Variants in DAB1 observed in about 807,000 individuals in gnomAD.
DAB1 encodes the protein DAB adaptor protein 1, also known as disabled homolog 1.
In DAB1, 15 loss-of-function variants were observed where a neutral mutation model predicts 64.6. The observed-to-expected ratio is 0.23, with a 90% CI of 0.16 to 0.36. The LOEUF (loss-of-function observed/expected upper bound fraction) is 0.36. Ranked by LOEUF, DAB1 falls within the 10% of genes least tolerant of loss-of-function variation. The pLI, the probability that DAB1 is intolerant of heterozygous loss-of-function variation, is 1.00. For missense variants in DAB1, 596 were observed against 706.7 expected (o/e 0.84, Z 1.78); for synonymous variants, 235 against 251.9 (o/e 0.93, Z 0.64).
intron 1 of DAB1, among the ~76,000 whole-genome samples, chr1:57,875,707 G>T (rs531685921): frequency 2.0e-5 from 3 of 152,152 alleles, no homozygotes; most frequent in Non-Finnish European, 4.4e-5. Flanking sequence ...AAGAATAAAT[G>T]AATGAACTGC....
intron 7 of DAB1, among the ~76,000 whole-genome samples, chr1:57,466,814 A>T (rs1318083300): frequency 6.6e-6 from 1 of 152,114 alleles, no homozygotes; most frequent in Non-Finnish European, 1.5e-5. Flanking sequence ...TCAACCCCTA[A>T]TGCTACCTGC....
intron 7 of DAB1, among the ~76,000 whole-genome samples, chr1:57,486,034 T>C (rs959988252): frequency 1.3e-5 from 2 of 152,174 alleles, no homozygotes; most frequent in Non-Finnish European, 2.9e-5. Flanking sequence ...CCTAATTAAT[T>C]GTACCTTCTC....
chr1:57,074,128 C>G (rs1211925074), intron 4 of DAB1, among the ~76,000 whole-genome samples: 1 of 152,152 alleles, frequency 6.6e-6, no homozygotes, highest in Non-Finnish European at 1.5e-5. Context: ...CCTTGGCCTC[C>G]CAAAGTGCTA....
intron 2 of DAB1, among the ~76,000 whole-genome samples, chr1:57,150,500 C>CA (rs1200275910): frequency 6.6e-6 from 1 of 152,104 alleles, no homozygotes; most frequent in Non-Finnish European, 1.5e-5. Flanking sequence ...CATGGGTGAG[C>CA]AAAAAGTGTC....
At chr1:57,756,866 G>A (rs1471772639) in intron 6 of DAB1, among the ~76,000 whole-genome samples, 1 of 152,116 alleles carries the variant, frequency 6.6e-6, no homozygotes, top group Non-Finnish European at 1.5e-5. Flanking sequence ...CCTACCATAT[G>A]TAAGGGCCAA....
intron 3 of DAB1, among the ~76,000 whole-genome samples, chr1:58,381,825 G>C (rs1045647427): frequency 5.3e-5 from 8 of 152,170 alleles, no homozygotes; most frequent in Admixed American, 5.2e-4. Flanking sequence ...GCTCTGTAGA[G>C]AGGACAAGCC....
At chr1:58,109,607 A>G (rs1651859522) in intron 5 of DAB1, among the ~76,000 whole-genome samples, 1 of 151,916 alleles carries the variant, frequency 6.6e-6, no homozygotes, top group Non-Finnish European at 1.5e-5. Flanking sequence ...AGCCTAAAAA[A>G]AGCTAGAGTC....
chr1:57,475,492 G>T (rs113400048), intron 7 of DAB1, among the ~76,000 whole-genome samples: 2,143 of 152,314 alleles, frequency 0.014, 37 homozygotes, highest in African/African-American at 0.049. Flanking sequence ...TTAGCATTCA[G>T]ATTCACAGGC....
intron 5 of DAB1, among the ~76,000 whole-genome samples, chr1:58,037,022 T>G (rs993441872): frequency 5.9e-5 from 9 of 152,098 alleles, no homozygotes; most frequent in African/African-American, 2.2e-4. Flanking sequence ...TCCTTCCCAC[T>G]AGAATGAAGA....
At chr1:57,924,055 T>C (rs561515744) in intron 5 of DAB1, among the ~76,000 whole-genome samples, 13 of 152,346 alleles carry the variant, frequency 8.5e-5, no homozygotes, top group Non-Finnish European at 1.3e-4. Context: ...TGAATACAAA[T>C]TTTAAACATC....
chr1:57,229,953 T>C (rs1406150690), intron 2 of DAB1, among the ~76,000 whole-genome samples: 4 of 152,230 alleles, frequency 2.6e-5, no homozygotes, highest in African/African-American at 9.6e-5. Flanking sequence ...TACTGGCTAC[T>C]GTTGAAGAGT....
intron 4 of DAB1, among the ~76,000 whole-genome samples, chr1:58,222,701 C>G (rs1557702174): frequency 6.6e-6 from 1 of 152,196 alleles, no homozygotes; most frequent in Non-Finnish European, 1.5e-5. Flanking sequence ...GCATGCCACC[C>G]AGATCTTTAT....
At chr1:57,985,859 G>A (rs1441153276) in intron 5 of DAB1, among the ~76,000 whole-genome samples, 1 of 152,130 alleles carries the variant, frequency 6.6e-6, no homozygotes, top group Admixed American at 6.6e-5. Context: ...CTCAGAAAGG[G>A]TGTGAACAAC....
intron 7 of DAB1, among the ~76,000 whole-genome samples, chr1:57,559,130 G>A (rs1220032111): frequency 6.6e-6 from 1 of 152,180 alleles, no homozygotes; most frequent in Non-Finnish European, 1.5e-5. Flanking sequence ...GACAGCAGAG[G>A]CAAAGCAGTA....
intron 6 of DAB1, among the ~76,000 whole-genome samples, chr1:57,714,811 T>C (rs1219397399): frequency 2.0e-5 from 3 of 152,164 alleles, no homozygotes; most frequent in African/African-American, 7.2e-5. Flanking sequence ...AATGTGCCTT[T>C]TTATAGAAGT....
chr1:57,606,942 G>A (rs892012158), intron 7 of DAB1, among the ~76,000 whole-genome samples: 7 of 150,930 alleles, frequency 4.6e-5, no homozygotes, highest in Middle Eastern at 3.2e-3. Flanking sequence ...CTGCCACCAC[G>A]TCTGGCTGAT....
chr1:58,127,472 C>G (rs1371457873), intron 5 of DAB1, among the ~76,000 whole-genome samples: 1 of 151,038 alleles, frequency 6.6e-6, no homozygotes, highest in African/African-American at 2.4e-5. Flanking sequence ...AATTAGATCC[C>G]ATTTGTCAAT....
chr1:57,435,046 C>CTTTTTTTTTTTTTTTTTTTTTTTTT (rs71580850), intron 7 of DAB1, among the ~76,000 whole-genome samples: 2 of 93,078 alleles, frequency 2.1e-5, no homozygotes, highest in African/African-American at 4.3e-5. Context: ...TTCTTTTTTT[C>CTTTTTTTTTTTTTTTTTTTTTTTTT]TTTTTTTTTT....
chr1:58,469,346 T>C (rs928771904), intron 3 of DAB1, among the ~76,000 whole-genome samples: 1 of 152,056 alleles, frequency 6.6e-6, no homozygotes, highest in Non-Finnish European at 1.5e-5. Flanking sequence ...GCAGTTGTTA[T>C]AGGGATTAAA....
Sources: gnomAD v4.1 joint callset for allele counts (sites outside exome capture counted in the v4.1 genomes callset) on GRCh38, gnomAD v4.1.1 for gene constraint, MANE v1.5 for transcripts, NCBI Gene and HGNC (gene_info 2026-07-23, HGNC 2026-07-21) for gene names.